Variants in PRKCB observed in about 807,000 individuals in gnomAD.
The protein encoded by PRKCB is protein kinase C beta.
PRKCB carries 13 observed loss-of-function variants against 81.5 expected under a neutral mutation model. The ratio of observed to expected loss-of-function variants is 0.16; its 90% CI spans 0.10 to 0.25. The LOEUF (loss-of-function observed/expected upper bound fraction) is 0.25, where lower values mean the gene tolerates loss of function less well. Ranked by LOEUF, PRKCB falls within the 10% of genes least tolerant of loss-of-function variation. The pLI, the probability that PRKCB is intolerant of heterozygous loss-of-function variation, is 1.00. For missense variants in PRKCB, 509 were observed against 875.7 expected, an observed-to-expected ratio of 0.58 and a Z score of 5.29; for synonymous variants, 335 against 321.4, an observed-to-expected ratio of 1.04 and a Z score of -0.45.
chr16:24,120,332 G>A lies in PRKCB; in HGVS notation c.919-3503G>A, dbSNP rs112672343. On this transcript the variant is annotated intron_variant, in intron 8 of 16. Coordinates refer to ENST00000643927, the MANE Select transcript of PRKCB (RefSeq NM_002738.7). ...TGCACGTGAGATTGGTGCACTTTGC[G>A]GTGCCCACCTCAAGTTTCAAAACAT... 4.6e-3 allele frequency among the ~76,000 whole-genome samples: 707 copies of A among 152,300 alleles called. 2 individuals are homozygous for A. Among genetic ancestry groups the A allele is most frequent in the African/African-American group, 0.016 (681 of 41,552 alleles).
At chr16:23,853,264 T>C (rs797008484) in intron 2 of PRKCB, among the ~76,000 whole-genome samples, 15 of 152,360 alleles carry the variant, frequency 9.8e-5, no homozygotes, top group African/African-American at 3.6e-4. Flanking sequence ...AGGGAGTTTA[T>C]TTCTTACTCA....
chr16:23,862,088 C>T (rs529858284), intron 2 of PRKCB, among the ~76,000 whole-genome samples: 1 of 152,084 alleles, frequency 6.6e-6, no homozygotes, highest in East Asian at 1.9e-4. Context: ...TTTTGTATGT[C>T]GGGTAATTTT....
chr16:24,209,360 G>C (rs553865552), intron 16 of PRKCB, among the ~76,000 whole-genome samples: 3 of 152,054 alleles, frequency 2.0e-5, no homozygotes, highest in Admixed American at 6.5e-5. Flanking sequence ...GACTGCGGCA[G>C]TCTCTCCCCG....
Position 24,154,320 on chromosome 16 carries a change from T to C in PRKCB, c.1066-364T>C, listed in dbSNP as rs535391611. On this transcript the variant is annotated intron_variant, in intron 9 of 16. Coordinates refer to ENST00000643927, the MANE Select transcript of PRKCB (RefSeq NM_002738.7). ...AGTGAGACCTTGTCTCTACAAAAAA[T>C]AAAAAATAAAAAAATTAGCCGGACA... Among the ~76,000 whole-genome samples, 50 of 151,952 alleles carry C rather than the reference T, an allele frequency of 3.3e-4. No individual in the cohort carries two copies. The South Asian group carries it at 0.01, about 31-fold the overall frequency.
chr16:24,081,245 A>G (rs1262601890), intron 5 of PRKCB, among the ~76,000 whole-genome samples: 1 of 151,828 alleles, frequency 6.6e-6, no homozygotes, highest in Non-Finnish European at 1.5e-5. Flanking sequence ...TATCCTGAGA[A>G]TGCAAGCTGG....
intron 2 of PRKCB, among the ~76,000 whole-genome samples, chr16:23,902,989 CTTTTT>C (rs71988386): frequency 0.53 from 73,682 of 139,016 alleles, 20,090 homozygotes; most frequent in East Asian, 0.64. Context: ...TTTTTCTTTT[CTTTTT>C]TTTTTTTTTT....
intron 3 of PRKCB, among the ~76,000 whole-genome samples, chr16:24,020,355 G>A (rs1365848933): frequency 2.6e-5 from 4 of 152,196 alleles, no homozygotes; most frequent in Non-Finnish European, 5.9e-5. Flanking sequence ...TGGTGCAAAA[G>A]TAATTGCGGT....
chr16:23,981,149 C>T (rs1169755885), intron 2 of PRKCB, among the ~76,000 whole-genome samples: 1 of 152,170 alleles, frequency 6.6e-6, no homozygotes, highest in Non-Finnish European at 1.5e-5. Flanking sequence ...AGCAGGTCTT[C>T]CGGGGCTGAA....
intron 2 of PRKCB, among the ~76,000 whole-genome samples, chr16:23,956,979 T>TAAAAAAAAA (rs10714409): frequency 6.5e-5 from 3 of 45,972 alleles, no homozygotes; most frequent in African/African-American, 8.9e-5. Flanking sequence ...CTATAGGCAG[T>TAAAAAAAAA]AAAAAAAAAA....
At chr16:23,952,128 G>C (rs1389132484) in intron 2 of PRKCB, among the ~76,000 whole-genome samples, 1 of 152,168 alleles carries the variant, frequency 6.6e-6, no homozygotes, top group Non-Finnish European at 1.5e-5. Flanking sequence ...ATGAGGGAAT[G>C]AATGAAAAAG....
At chr16:23,990,949 C>A (rs1450356213) in intron 3 of PRKCB, among the ~76,000 whole-genome samples, 1 of 152,210 alleles carries the variant, frequency 6.6e-6, no homozygotes, top group Non-Finnish European at 1.5e-5. Context: ...ATTCAGCATA[C>A]CCCAATGCAG....
intron 3 of PRKCB, among the ~76,000 whole-genome samples, chr16:24,015,615 C>T (rs765143506): frequency 5.9e-5 from 9 of 152,260 alleles, no homozygotes; most frequent in Non-Finnish European, 1.3e-4. Context: ...GTTACACCCT[C>T]TAATTCCTTA....
At chr16:24,171,070 G>C (rs1469477698) in intron 10 of PRKCB, among the ~76,000 whole-genome samples, 28 of 152,160 alleles carry the variant, frequency 1.8e-4, no homozygotes. Flanking sequence ...CTATTGGTGA[G>C]TACCTCAAAA....
chr16:24,150,315 C>T (rs1967060045), intron 9 of PRKCB, among the ~76,000 whole-genome samples: 1 of 152,064 alleles, frequency 6.6e-6, no homozygotes, highest in Non-Finnish European at 1.5e-5. Flanking sequence ...GGGTGAGAAT[C>T]TGTCTCAAAA....
At chr16:24,187,819 C>T (rs937871502) in intron 15 of PRKCB, among the ~76,000 whole-genome samples, 6 of 152,220 alleles carry the variant, frequency 3.9e-5, no homozygotes, top group Non-Finnish European at 8.8e-5. Flanking sequence ...GCTGGGATTA[C>T]AGGCATGGGC....
At chr16:24,094,383 T>C in intron 7 of PRKCB, 86 bp downstream of exon 7, 2 of 1,516,118 alleles carry the variant, frequency 1.3e-6, no homozygotes, top group Non-Finnish European at 1.8e-6. Flanking sequence ...TCTCCAAAAA[T>C]TGAAATACTA....
chr16:24,180,650 T>C, intron 12 of PRKCB, 140 bp from the exon 13 acceptor site: 1 of 957,956 alleles, frequency 1.0e-6, no homozygotes, highest in South Asian at 1.7e-5. Flanking sequence ...TGTAAGCTGT[T>C]GGAGGTCAAA....
chr16:24,187,791 G>A (rs1226910257), intron 15 of PRKCB, among the ~76,000 whole-genome samples: 2 of 152,142 alleles, frequency 1.3e-5, no homozygotes, highest in East Asian at 3.9e-4. Flanking sequence ...GGATCCTCCT[G>A]CCTCTGCCTC....
At chr16:24,066,876 G>A (rs927602766) in intron 5 of PRKCB, among the ~76,000 whole-genome samples, 2 of 152,122 alleles carry the variant, frequency 1.3e-5, no homozygotes, top group Non-Finnish European at 2.9e-5. Context: ...TGAGACAAGG[G>A]TCTTGCTCTG....
Sources: gnomAD v4.1 joint callset for allele counts (sites outside exome capture counted in the v4.1 genomes callset) on GRCh38, gnomAD v4.1.1 for gene constraint, MANE v1.5 for transcripts, NCBI Gene and HGNC (gene_info 2026-07-23, HGNC 2026-07-21) for gene names.